SNX13: variants seen among roughly 807,000 people sequenced by gnomAD.
SNX13 encodes the protein sorting nexin-13.
A neutral mutation model predicts 133.6 loss-of-function variants in SNX13; 45 were observed. The observed-to-expected ratio is 0.34, with a 90% confidence interval of 0.27 to 0.43. The LOEUF (loss-of-function observed/expected upper bound fraction) is 0.43, where lower values mean the gene tolerates loss of function less well. Among genes scored for constraint, SNX13 ranks in the 20% least tolerant of loss-of-function variants. The pLI is 1.00. For missense variants in SNX13, 1,032 were observed against 1,145.1 expected (o/e 0.90, Z 1.43); for synonymous variants, 414 against 373.9 (o/e 1.11, Z -1.24).
chr7:17,923,239 T>C (rs1471294349), intron 1 of SNX13, among the ~76,000 whole-genome samples: 2 of 152,172 alleles, frequency 1.3e-5, no homozygotes, highest in African/African-American at 2.4e-5. Context: ...TTGGTCCAAA[T>C]TGTGGTAATA....
chr7:17,870,019 A>G (rs1170120003), intron 8 of SNX13, among the ~76,000 whole-genome samples: 1 of 152,116 alleles, frequency 6.6e-6, no homozygotes, highest in Non-Finnish European at 1.5e-5. Flanking sequence ...AAAACTTCTA[A>G]TCTGTCACAT....
chr7:17,900,637 A>T (rs1303966242), intron 1 of SNX13, among the ~76,000 whole-genome samples: 2 of 152,180 alleles, frequency 1.3e-5, no homozygotes, highest in Admixed American at 1.3e-4. Context: ...ACCAACGTTC[A>T]TTAAGGACCA....
At chr7:17,819,225 T>TAGCTTGGATTTTCATTCATTC (rs1787009177) in intron 18 of SNX13, among the ~76,000 whole-genome samples, 1 of 152,192 alleles carries the variant, frequency 6.6e-6, no homozygotes, top group African/African-American at 2.4e-5. Flanking sequence ...CTCATACATT[T>TAGCTTGGATTTTCATTCATTC]AGCTTGGATT....
intron 12 of SNX13, among the ~76,000 whole-genome samples, chr7:17,842,564 A>T (rs924588404): frequency 3.3e-5 from 5 of 152,036 alleles, no homozygotes; most frequent in African/African-American, 9.7e-5. Flanking sequence ...TATAAAAGCT[A>T]GTATTATTAA....
chr7:17,924,411 T>G (rs1800487163), intron 1 of SNX13, among the ~76,000 whole-genome samples: 1 of 152,182 alleles, frequency 6.6e-6, no homozygotes. Context: ...ACTAGAGAGA[T>G]GCAAACAAAA....
At chr7:17,858,297 G>T (rs1223562995) in intron 9 of SNX13, among the ~76,000 whole-genome samples, 2 of 151,994 alleles carry the variant, frequency 1.3e-5, no homozygotes, top group African/African-American at 4.8e-5. Flanking sequence ...AAAAAATGTT[G>T]CAGAATACAA....
At chr7:17,938,871 A>G (rs1172576386) in intron 1 of SNX13, among the ~76,000 whole-genome samples, 2 of 152,244 alleles carry the variant, frequency 1.3e-5, no homozygotes, top group East Asian at 3.8e-4. Flanking sequence ...CACTTAAGGT[A>G]AAAATGAAAC....
chr7:17,911,368 G>C (rs1798959818), intron 1 of SNX13, among the ~76,000 whole-genome samples: 1 of 152,214 alleles, frequency 6.6e-6, no homozygotes, highest in African/African-American at 2.4e-5. Context: ...CCGGGGCGCA[G>C]TGATTCATGC....
At chr7:17,829,276 A>T (rs1197328563) in intron 16 of SNX13, among the ~76,000 whole-genome samples, 1 of 151,514 alleles carries the variant, frequency 6.6e-6, no homozygotes, top group Non-Finnish European at 1.5e-5. Flanking sequence ...CCCCTCCCCA[A>T]CCCAGCCAAA....
chr7:17,923,185 G>GA (rs912969248), intron 1 of SNX13, among the ~76,000 whole-genome samples: 2 of 152,040 alleles, frequency 1.3e-5, no homozygotes, highest in Non-Finnish European at 2.9e-5. Flanking sequence ...TCCACCACGT[G>GA]AAAAAACATG....
chr7:17,938,353 G>C (rs1470625515), intron 1 of SNX13, among the ~76,000 whole-genome samples: 1 of 152,218 alleles, frequency 6.6e-6, no homozygotes, highest in African/African-American at 2.4e-5. Flanking sequence ...TGAGATTCCA[G>C]TTTCGACTGT....
chr7:17,823,632 C>G, intron 17 of SNX13, among the ~76,000 whole-genome samples: 1 of 152,324 alleles, frequency 6.6e-6, no homozygotes, highest in East Asian at 1.9e-4. Context: ...CTTTGGACAT[C>G]TTGCTCTGTA....
At position 17,847,962 on chromosome 7, in the gene SNX13, G is replaced by A. The variant is rs866709335; in HGVS notation, c.1066-2268C>T. Among the ~76,000 whole-genome samples the A allele has an allele frequency of 4.6e-5, 7 of 152,222 alleles. 1 individual carries two copies. In the South Asian group the frequency reaches 6.2e-4, roughly 14 times the overall value. On this transcript the variant is annotated intron_variant, in intron 11 of 25. Coordinates refer to ENST00000428135, the MANE Select transcript of SNX13 (RefSeq NM_015132.5). ...GGGGCACAAAATTCTAGGCAGAAAA[G>A]GGTGGTCCCTGGCGAAACACCACCC...
intron 11 of SNX13, among the ~76,000 whole-genome samples, chr7:17,846,341 C>T (rs545055673): frequency 1.2e-4 from 19 of 152,086 alleles, no homozygotes; most frequent in African/African-American, 4.3e-4. Flanking sequence ...TCATTTAATC[C>T]GCACAGCAAT....
Position 17,814,952 on chromosome 7 carries a change from GAAAA to G in SNX13, c.1954-12_1954-9del. 11 of 1,221,986 alleles carry G rather than the reference GAAAA, an allele frequency of 9.0e-6. No individual in the cohort carries two copies. Among genetic ancestry groups the G allele is most frequent in the Non-Finnish European group, 9.4e-6 (9 of 958,754 alleles). 75.7% of individuals were successfully genotyped at this position (1,221,986 alleles called of 1,614,324 possible). On this transcript the variant is annotated splice_polypyrimidine_tract_variant and intron_variant, in intron 19 of 25. Coordinates refer to ENST00000428135, the MANE Select transcript of SNX13 (RefSeq NM_015132.5). ...TTCAGGAGCTAACAGTAACTAACAA[GAAAA>G]AAAAAAAAAAGAAGAGATTATCTTA... is the stretch of plus-strand genomic sequence containing the variant.
chr7:17,814,111 C>T (rs1253972158), intron 20 of SNX13, among the ~76,000 whole-genome samples: 1 of 152,134 alleles, frequency 6.6e-6, no homozygotes, highest in Non-Finnish European at 1.5e-5. Context: ...GCTATTATTA[C>T]TAAGAGCAAA....
chr7:17,806,015 GA>G (rs933242470), intron 20 of SNX13, among the ~76,000 whole-genome samples: 2 of 152,112 alleles, frequency 1.3e-5, no homozygotes, highest in South Asian at 2.1e-4. Flanking sequence ...TAGATTTTTA[GA>G]AAAAAAGAAA....
intron 11 of SNX13, among the ~76,000 whole-genome samples, chr7:17,848,674 A>G (rs1790836338): frequency 1.3e-5 from 2 of 152,166 alleles, no homozygotes; most frequent in Non-Finnish European, 2.9e-5. Context: ...CGAGGGGTGG[A>G]ATACAGTGGG....
At chr7:17,930,955 C>T (rs1006554541) in intron 1 of SNX13, among the ~76,000 whole-genome samples, 3 of 152,114 alleles carry the variant, frequency 2.0e-5, no homozygotes, top group African/African-American at 7.2e-5. Context: ...CAGTTTCATC[C>T]CGAAACCATT....
Sources: allele counts gnomAD v4.1 joint callset (sites outside exome capture counted in the v4.1 genomes callset), GRCh38; gene constraint gnomAD v4.1.1; transcripts MANE v1.5; gene names NCBI Gene and HGNC (gene_info 2026-07-23, HGNC 2026-07-21).